The following ACAP2 variants were observed in gnomAD, a reference collection of about 807,000 sequenced individuals.
The protein encoded by ACAP2 is ArfGAP with coiled-coil, ankyrin repeat and PH domains 2.
ACAP2 carries 39 observed loss-of-function variants against 115.8 expected under a neutral mutation model. The observed-to-expected ratio is 0.34, with a 90% CI of 0.26 to 0.44. The LOEUF is 0.44. ACAP2 is among the 20% of genes least tolerant of loss of function. ACAP2 has a pLI of 1.00. For missense variants in ACAP2, 662 were observed against 927.6 expected, an observed-to-expected ratio of 0.71 and a Z score of 3.72; for synonymous variants, 289 against 315.8, an observed-to-expected ratio of 0.92 and a Z score of 0.90.
chr3:195,297,167 G>A (rs372222614), intron 16 of ACAP2, 23 bp downstream of exon 16: 5 of 1,592,162 alleles, frequency 3.1e-6, no homozygotes, highest in Non-Finnish European at 4.3e-6. Context: ...CTAATTAGGG[G>A]GAAAAAACAA....
intron 1 of ACAP2, among the ~76,000 whole-genome samples, chr3:195,424,912 T>A: frequency 1.2e-5 from 1 of 85,886 alleles, no homozygotes; most frequent in Non-Finnish European, 2.1e-5. Context: ...TGAGACCCTG[T>A]CTTAAAAAAA....
chr3:195,403,707 A>G (rs923440903), intron 1 of ACAP2, among the ~76,000 whole-genome samples: 1 of 152,216 alleles, frequency 6.6e-6, no homozygotes, highest in African/African-American at 2.4e-5. Context: ...AATAGTTACA[A>G]TCAACGGAGA....
At chr3:195,432,403 T>C (rs556054671) in intron 1 of ACAP2, among the ~76,000 whole-genome samples, 2 of 152,234 alleles carry the variant, frequency 1.3e-5, no homozygotes, top group Non-Finnish European at 2.9e-5. Context: ...TACTTTCACG[T>C]GTGGATATTC....
chr3:195,282,006 C>T (rs961263491), intron 22 of ACAP2: 2 of 152,164 alleles, frequency 1.3e-5, no homozygotes, highest in Non-Finnish European at 2.9e-5. Context: ...AAAAGGCACA[C>T]ATTATACATT....
intron 3 of ACAP2, 69 bp from the exon 4 acceptor site, chr3:195,381,131 C>T: frequency 8.4e-7 from 1 of 1,186,980 alleles, no homozygotes; most frequent in Non-Finnish European, 1.2e-6. Flanking sequence ...AAAAATGTGA[C>T]CTCAGAATTT....
chr3:195,362,698 A>G (rs1029691721), intron 4 of ACAP2, among the ~76,000 whole-genome samples: 2 of 152,228 alleles, frequency 1.3e-5, no homozygotes, highest in Admixed American at 6.5e-5. Context: ...GTGATACATA[A>G]AATTAAAGAC....
intron 15 of ACAP2, 119 bp downstream of exon 15, chr3:195,301,456 T>C: frequency 1.3e-6 from 1 of 783,364 alleles, no homozygotes; most frequent in Non-Finnish European, 2.1e-6. Flanking sequence ...TGTGTTTCAA[T>C]ACAATTTAGC....
In ACAP2 at chr3:195,291,663, T is replaced by G. The variant is rs1371289398; in HGVS notation, c.2063+43A>C. On this transcript the variant is annotated intron_variant, in intron 20 of 22. Transcript: ENST00000326793. ...AACTAAAACATTAATTCAAAATAAT[T>G]TTTCAAATAAAGTCTCCTTAAATAT... 3 of 1,515,602 alleles carry G rather than the reference T, an allele frequency of 2.0e-6. No homozygotes were observed. In the Admixed American group the frequency reaches 6.2e-5, roughly 31 times the overall value. The allele number at this position is 1,515,602 out of a possible 1,614,324, so 93.9% of individuals were successfully genotyped here.
intron 1 of ACAP2, among the ~76,000 whole-genome samples, chr3:195,438,750 T>C (rs975422140): frequency 1.1e-4 from 17 of 152,124 alleles, no homozygotes; most frequent in African/African-American, 3.9e-4. Context: ...AAAAAGTTAT[T>C]CTAAGTTACT....
intron 15 of ACAP2, among the ~76,000 whole-genome samples, chr3:195,299,487 G>A (rs1251456378): frequency 6.6e-6 from 1 of 150,796 alleles, no homozygotes; most frequent in African/African-American, 2.4e-5. Flanking sequence ...AGGTTGCAGT[G>A]AGCCGAGATT....
chr3:195,428,546 T>C (rs1188540317), intron 1 of ACAP2, among the ~76,000 whole-genome samples: 1 of 152,112 alleles, frequency 6.6e-6, no homozygotes, highest in African/African-American at 2.4e-5. Context: ...TTCAGTACAA[T>C]AACAAGCTGT....
chr3:195,365,969 G>C (rs1732692377), intron 4 of ACAP2, among the ~76,000 whole-genome samples: 2 of 151,846 alleles, frequency 1.3e-5, no homozygotes, highest in African/African-American at 4.8e-5. Context: ...AGCCTCCTGA[G>C]TAGCTGGGAT....
At chr3:195,317,827 CA>C (rs1235823503) in intron 10 of ACAP2, among the ~76,000 whole-genome samples, 2 of 151,812 alleles carry the variant, frequency 1.3e-5, no homozygotes, top group African/African-American at 2.4e-5. Context: ...TTGCAAAGAT[CA>C]AAAGATCAGG....
chr3:195,292,181 C>T lies in ACAP2; in HGVS notation c.1953+84G>A, dbSNP rs1176090194. 4 of 1,437,562 alleles carry T rather than the reference C, an allele frequency of 2.8e-6. No individual in the cohort carries two copies. In the African/African-American group the frequency reaches 5.7e-5, roughly 21 times the overall value. 89.1% of individuals were successfully genotyped at this position (1,437,562 alleles called of 1,614,324 possible). On this transcript the variant is annotated intron_variant, in intron 19 of 22. Transcript: ENST00000326793. Reference sequence around the variant, plus strand: ...TCTAACCCATCTCTTGAAGCAAAGACAATACTAAAGCCAGTTCAGAACATA... The same window carrying T: ...TCTAACCCATCTCTTGAAGCAAAGATAATACTAAAGCCAGTTCAGAACATA...
intron 4 of ACAP2, among the ~76,000 whole-genome samples, chr3:195,356,778 C>G (rs146641794): frequency 5.9e-5 from 9 of 152,006 alleles, no homozygotes; most frequent in African/African-American, 2.2e-4. Flanking sequence ...GAAGAATTCA[C>G]CACTTGCTGA....
chr3:195,395,630 T>C (rs1186371908), intron 1 of ACAP2, among the ~76,000 whole-genome samples: 1 of 152,244 alleles, frequency 6.6e-6, no homozygotes, highest in Non-Finnish European at 1.5e-5. Context: ...TTCCACGCCA[T>C]GATGGCGTAG....
At position 195,381,066 on chromosome 3, in the gene ACAP2, T is replaced by C. The variant is rs1477012384; in HGVS notation, c.232-4A>G. 3.8e-6 allele frequency: 6 copies of C among 1,594,864 alleles called. No homozygotes were observed. Among genetic ancestry groups the C allele is most frequent in the Non-Finnish European group, 5.1e-6 (6 of 1,175,798 alleles). ...CAGAAAACTTGGTCAAACTTGTCTA[T>C]GAGAAAAAAAGCAAAAGAAAACCAA... On this transcript the variant is annotated splice_region_variant and splice_polypyrimidine_tract_variant and intron_variant, in intron 3 of 22. Coordinates refer to ENST00000326793, the MANE Select transcript of ACAP2 (RefSeq NM_012287.6).
chr3:195,369,927 T>C (rs967670756), intron 4 of ACAP2, among the ~76,000 whole-genome samples: 1 of 152,090 alleles, frequency 6.6e-6, no homozygotes, highest in Non-Finnish European at 1.5e-5. Context: ...AGCATGTGTT[T>C]TTTACTTTTT....
At position 195,424,591 on chromosome 3, in the gene ACAP2, G is replaced by A. The variant is rs529519516; in HGVS notation, c.53+18204C>T. Among the ~76,000 whole-genome samples the A allele has an allele frequency of 2.9e-4, 44 of 151,346 alleles. No homozygotes were observed. The South Asian group carries it at 8.0e-3, about 27-fold the overall frequency. On this transcript the variant is annotated intron_variant, in intron 1 of 22. Transcript: ENST00000326793. ...TGGGATTACAGGTGTGAGCCACCGCGCCCGGCCAGTTTTGACTACTTTTTA... is the reference window on the plus strand; with the variant it reads ...TGGGATTACAGGTGTGAGCCACCGCACCCGGCCAGTTTTGACTACTTTTTA...
Sources: allele counts gnomAD v4.1 joint callset (sites outside exome capture counted in the v4.1 genomes callset), GRCh38; gene constraint gnomAD v4.1.1; transcripts MANE v1.5; gene names NCBI Gene and HGNC (gene_info 2026-07-23, HGNC 2026-07-21).